RCAN1: variants seen among roughly 807,000 people sequenced by gnomAD.
RCAN1 encodes calcipressin-1.
In RCAN1, 11 loss-of-function variants were observed where a neutral mutation model predicts 22.9. That is an observed-to-expected ratio of 0.48 (90% confidence interval 0.30 to 0.79). RCAN1 has a LOEUF of 0.79. Ranked by LOEUF, RCAN1 falls within the 30% of genes least tolerant of loss-of-function variation. The probability of loss-of-function intolerance (pLI) is 0.06; values close to 1 mark genes in which losing one functional copy is unlikely to be tolerated. For synonymous variants in RCAN1, 136 were observed against 142.3 expected, an observed-to-expected ratio of 0.96 and a Z score of 0.32; for missense variants, 291 against 337.8, an observed-to-expected ratio of 0.86 and a Z score of 1.09.
rs141668052 is a variant in RCAN1 at position 34,599,337 on chromosome 21, G to T, written c.252+15423C>A. ...GAAGTGCATTAAATTAGCTGGGTGT[G>T]GTGGCAGGTGGCTGTAATCCCAGTT... is the stretch of plus-strand genomic sequence containing the variant. On this transcript the variant is annotated intron_variant, in intron 1 of 3. Transcript: ENST00000313806. Among the ~76,000 whole-genome samples the T allele has an allele frequency of 9.2e-4, 140 of 152,258 alleles. 1 individual carries two copies. Among genetic ancestry groups the T allele is most frequent in the Non-Finnish European group, 1.9e-4 (13 of 68,018 alleles).
intron 1 of RCAN1, among the ~76,000 whole-genome samples, chr21:34,530,097 C>G (rs1015549025): frequency 6.6e-6 from 1 of 152,160 alleles, no homozygotes; most frequent in African/African-American, 2.4e-5. Context: ...AGTGTGAAAA[C>G]GGACTAATAT....
At chr21:34,594,467 G>A (rs189762631) in intron 1 of RCAN1, among the ~76,000 whole-genome samples, 19 of 152,220 alleles carry the variant, frequency 1.2e-4, no homozygotes, top group Non-Finnish European at 4.4e-5. Flanking sequence ...CAGGAGAATC[G>A]CTTGAACCCA....
chr21:34,614,828 GC>G lies in RCAN1; in HGVS notation c.183del (p.Gln62ArgfsTer50). The G allele has an allele frequency of 6.7e-7, 1 of 1,491,460 alleles. No individual in the cohort carries two copies. 92.4% of individuals were successfully genotyped at this position (1,491,460 alleles called of 1,614,324 possible). A position where few individuals can be genotyped will look rare whatever the true frequency, so the allele number is the denominator to read the frequency against. ...GCGATGGTGGCGCTGGGCAGGTCCTGCAGGTCCACCTCCTCCATCTCGCAGT... is the reference window on the plus strand; with the variant it reads ...GCGATGGTGGCGCTGGGCAGGTCCTGAGGTCCACCTCCTCCATCTCGCAGT... ...FIDCEMEEVD[L>X]QDLPSATIAC... On this transcript the variant is annotated frameshift_variant, in exon 1 of 4. Transcript: ENST00000313806. LOFTEE classifies it high-confidence loss of function. The surrounding 1 kb of genome is among the most constrained non-coding windows in gnomAD (Gnocchi z 6.0).
intron 1 of RCAN1, among the ~76,000 whole-genome samples, chr21:34,528,347 C>T (rs1985191260): frequency 6.6e-6 from 1 of 152,232 alleles, no homozygotes; most frequent in Non-Finnish European, 1.5e-5. Context: ...TTGCTGCCAA[C>T]TGTAGAGTTA....
intron 1 of RCAN1, among the ~76,000 whole-genome samples, chr21:34,533,371 A>G (rs1009785137): frequency 6.6e-5 from 10 of 152,124 alleles, no homozygotes; most frequent in African/African-American, 1.9e-4. Context: ...AACCATTTTT[A>G]TTATTTTGGG....
intron 1 of RCAN1, among the ~76,000 whole-genome samples, chr21:34,595,391 G>A (rs1403644537): frequency 1.3e-5 from 2 of 152,194 alleles, no homozygotes; most frequent in African/African-American, 4.8e-5. Context: ...CCTTGACCAT[G>A]AAAAATACAG....
rs1568882680 is a variant in RCAN1, at chr21:34,523,686, T to C, written c.277A>G (p.Thr93Ala). The change falls in exon 2 of 4, where the codon ACG (threonine) becomes GCG (alanine). Residue 93 changes from threonine (T) to alanine (A), a missense_variant. By Grantham distance (58) the Thr-to-Ala change is moderately conservative. Transcript: ENST00000313806. ...TGAAAGGTGATGTCCTTGTCATACGTCCTAAAGAGGGACTCAAATTTGGCC... is the reference window on the plus strand; with the variant it reads ...TGAAAGGTGATGTCCTTGTCATACGCCCTAAAGAGGGACTCAAATTTGGCC... ...CRAKFESLFR[T>A]YDKDITFQYF... is the part of the protein sequence containing the mutation. 1.2e-6 allele frequency: 2 copies of C among 1,611,140 alleles called. No individual in the cohort carries two copies. Among genetic ancestry groups the C allele is most frequent in the Non-Finnish European group, 1.7e-6 (2 of 1,179,328 alleles).
intron 1 of RCAN1, among the ~76,000 whole-genome samples, chr21:34,575,163 G>T (rs1466934684): frequency 6.6e-6 from 1 of 152,184 alleles, no homozygotes; most frequent in Non-Finnish European, 1.5e-5. Context: ...TTTCTCAGAG[G>T]ATGTGGTCAG....
rs146069842 is a variant in RCAN1 at position 34,526,678 on chromosome 21, G to A, written c.253-2968C>T. The A allele has an allele frequency of 7.6e-5, 122 of 1,613,022 alleles. No individual in the cohort carries two copies. The African/African-American group carries it at 1.5e-3, about 19-fold the overall frequency. On this transcript the variant is annotated intron_variant, in intron 1 of 3. Transcript: ENST00000313806. ...GAAGCCTTACCCTGGTTTCACTTTCGCTGAAGATATCACTGTTTGCCACAC... is the reference window on the plus strand; with the variant it reads ...GAAGCCTTACCCTGGTTTCACTTTCACTGAAGATATCACTGTTTGCCACAC...
intron 1 of RCAN1, among the ~76,000 whole-genome samples, chr21:34,592,531 TATC>T (rs1403290025): frequency 6.6e-6 from 1 of 152,136 alleles, no homozygotes; most frequent in Non-Finnish European, 1.5e-5. Flanking sequence ...GGCAAAGTAA[TATC>T]ATGGGCAGTT....
intron 1 of RCAN1, chr21:34,525,435 T>A: frequency 7.1e-7 from 1 of 1,404,476 alleles, no homozygotes; most frequent in Non-Finnish European, 9.3e-7. Context: ...CTCACTCTTT[T>A]TCCCCACCTC....
chr21:34,519,397 C>CTTTTTTT (rs34152667), intron 3 of RCAN1, among the ~76,000 whole-genome samples: 31 of 102,756 alleles, frequency 3.0e-4, no homozygotes, highest in East Asian at 5.9e-4. Context: ...TTCTTTCTTT[C>CTTTTTTT]TTTTTTTTTT....
Position 34,518,494 on chromosome 21 carries a change from T to A in RCAN1, c.587-238A>T, listed in dbSNP as rs867714930. Among the ~76,000 whole-genome samples the A allele has an allele frequency of 1.3e-5, 2 of 152,366 alleles. No individual in the cohort carries two copies. The highest frequency in any genetic ancestry group is 1.5e-5 in the Non-Finnish European group (1 of 68,030). ...CAAACATTCTGGGAGTCCAGGCACA[T>A]GAGAAGTATAGAAGGAATGCATTTT... On this transcript the variant is annotated intron_variant, in intron 3 of 3. Transcript: ENST00000313806. The surrounding 1 kb of genome is among the most constrained non-coding windows in gnomAD (Gnocchi z 4.2).
intron 1 of RCAN1, among the ~76,000 whole-genome samples, chr21:34,534,184 G>A (rs1985560507): frequency 6.9e-6 from 1 of 144,182 alleles, no homozygotes; most frequent in South Asian, 2.3e-4. Context: ...GACAGCTGGG[G>A]TAGGCAGGGC....
At chr21:34,590,626 C>A (rs1003880116) in intron 1 of RCAN1, among the ~76,000 whole-genome samples, 3 of 152,220 alleles carry the variant, frequency 2.0e-5, no homozygotes, top group African/African-American at 7.2e-5. Context: ...GCACCTGGTG[C>A]CCTTACTGGG....
intron 1 of RCAN1, among the ~76,000 whole-genome samples, chr21:34,572,416 G>T (rs1987265338): frequency 6.6e-6 from 1 of 152,264 alleles, no homozygotes; most frequent in South Asian, 2.1e-4. Flanking sequence ...GGGGCTGGTG[G>T]AGGTGGCACA....
chr21:34,583,858 G>C (rs927883714), intron 1 of RCAN1, among the ~76,000 whole-genome samples: 1 of 152,000 alleles, frequency 6.6e-6, no homozygotes, highest in African/African-American at 2.4e-5. Context: ...AGACCTGAAG[G>C]CTGACCACTG....
At chr21:34,582,061 G>C (rs549094853) in intron 1 of RCAN1, among the ~76,000 whole-genome samples, 3 of 152,130 alleles carry the variant, frequency 2.0e-5, no homozygotes, top group Admixed American at 1.3e-4. Context: ...AGTTTCTCCC[G>C]GGGGTTGCTT....
intron 1 of RCAN1, among the ~76,000 whole-genome samples, chr21:34,533,803 C>G (rs771810376): frequency 6.6e-6 from 1 of 152,150 alleles, no homozygotes; most frequent in Non-Finnish European, 1.5e-5. Context: ...AGGGGACATG[C>G]GAGTGCATGA....
Sources: gnomAD v4.1 joint callset for allele counts (sites outside exome capture counted in the v4.1 genomes callset) on GRCh38, gnomAD v4.1.1 for gene constraint, Gnocchi (gnomAD v3.1) non-coding constraint, MANE v1.5 for transcripts, NCBI Gene and HGNC (gene_info 2026-07-23, HGNC 2026-07-21) for gene names.